The following SLITRK5 variants were observed in gnomAD, a reference collection of about 807,000 sequenced individuals.
The protein encoded by SLITRK5 is SLIT and NTRK like family member 5.
SLITRK5 carries 23 observed loss-of-function variants against 56.2 expected under a neutral mutation model. The observed-to-expected ratio is 0.41, with a 90% CI of 0.29 to 0.58. The LOEUF (loss-of-function observed/expected upper bound fraction) is 0.58. Ranked by LOEUF, SLITRK5 falls within the 20% of genes least tolerant of loss-of-function variation. The probability of loss-of-function intolerance (pLI) is 0.30; values close to 1 mark genes in which losing one functional copy is unlikely to be tolerated. For missense variants in SLITRK5, 1,289 were observed against 1,226.6 expected (o/e 1.05, Z -0.76); for synonymous variants, 637 against 531.8 (o/e 1.20, Z -2.72).
At chr13:87,674,353 G>A (rs1373025310) in intron 1 of SLITRK5, 19 of 981,800 alleles carry the variant, frequency 1.9e-5, no homozygotes, top group Non-Finnish European at 2.3e-5. Context: ...TGTCGAGGTG[G>A]TAGTTCCGTG....
chr13:87,672,836 C>T (rs1877093063), intron 1 of SLITRK5: 2 of 151,468 alleles, frequency 1.3e-5, no homozygotes, highest in African/African-American at 5.1e-5. Context: ...GTAAGTCTAT[C>T]GTTTACTTTG....
At chr13:87,675,261 T>A (rs1877221457) in intron 1 of SLITRK5, 120 bp from the exon 2 acceptor site, 5 of 659,190 alleles carry the variant, frequency 7.6e-6, no homozygotes, top group East Asian at 2.7e-5. Context: ...AGGTGTGTCA[T>A]TTGTATCTCT....
chr13:87,677,463 G>T lies in SLITRK5; in HGVS notation c.2075G>T (p.Arg692Met). The T allele has an allele frequency of 6.2e-7, 1 of 1,612,592 alleles. No homozygotes were observed. The stretch of plus-strand genomic sequence containing the variant: ...CTCTTCGTGCTGGTCATGAAGCGCA[G>T]GAAGAAGAACCAGAGCGACCACACC... The part of the protein sequence containing the change: ...AGLFVLVMKR[R>M]KKNQSDHTST... The change falls in exon 2 of 2, where the codon AGG becomes ATG. Residue 692 changes from arginine to methionine, a missense_variant. Transcript: ENST00000683689. This position sits in a 1 kb window ranked among gnomAD's most constrained non-coding sequence, Gnocchi z 4.7.
chr13:87,674,262 G>T, intron 1 of SLITRK5: 3 of 374,466 alleles, frequency 8.0e-6, no homozygotes, highest in Non-Finnish European at 1.1e-5. Context: ...CAGCCCAGGC[G>T]TCCTTTCCCT....
At position 87,675,701 on chromosome 13, in the gene SLITRK5, A is replaced by T. The variant is rs1276303932; in HGVS notation, c.313A>T (p.Thr105Ser). Residue 105 changes from threonine (T) to serine (S), a missense_variant, in exon 2 of 2, where the codon ACT becomes TCT. Around this residue, in one of 3 missense-constraint regions of SLITRK5, gnomAD observed 291 missense variants for 286.7 expected, o/e 1.02. Coordinates refer to ENST00000683689, the MANE Select transcript of SLITRK5 (RefSeq NM_001384609.1). ...RLYPNEFVNY[T>S]GASILHLGSN... ...CTATCCCAATGAGTTTGTCAATTAC[A>T]CTGGGGCTTCAATTTTGCATCTAGG... 6.2e-7 allele frequency: 1 copy of T among 1,614,048 alleles called. No homozygotes were observed. Among genetic ancestry groups the T allele is most frequent in the East Asian group, 2.2e-5 (1 of 44,884 alleles).
Position 87,675,739 on chromosome 13 carries a change from C to G in SLITRK5, c.351C>G (p.Ile117Met). 6.2e-7 allele frequency: 1 copy of G among 1,614,058 alleles called. No homozygotes were observed. Among genetic ancestry groups the G allele is most frequent in the Non-Finnish European group, 8.5e-7 (1 of 1,179,996 alleles). The change falls in exon 2 of 2, where the codon ATC becomes ATG. Residue 117 changes from isoleucine to methionine, a missense_variant. Ile to Met is a conservative substitution (Grantham distance 10). This residue lies in a region of SLITRK5 where 291 missense variants were observed against 286.7 expected (regional missense o/e 1.02). Transcript: ENST00000683689. ...ASILHLGSNVIQDIETGAFHG... is the reference protein window; with the variant it reads ...ASILHLGSNVMQDIETGAFHG... Reference sequence around the variant, plus strand: ...TTTTGCATCTAGGTAGCAATGTTATCCAGGACATTGAGACCGGGGCTTTCC... The same window carrying G: ...TTTTGCATCTAGGTAGCAATGTTATGCAGGACATTGAGACCGGGGCTTTCC...
chr13:87,678,302 A>G lies in SLITRK5; in HGVS notation c.*37A>G. On this transcript the variant is annotated 3_prime_UTR_variant, in exon 2 of 2. Coordinates refer to ENST00000683689, the MANE Select transcript of SLITRK5 (RefSeq NM_001384609.1). Reference sequence around the variant, plus strand: ...CTCTCTTGGAGCTTTTGCATTTAAAACAAACAAGCAAGCAGACACACACAG... The same window carrying G: ...CTCTCTTGGAGCTTTTGCATTTAAAGCAAACAAGCAAGCAGACACACACAG... 6.5e-7 allele frequency: 1 copy of G among 1,538,796 alleles called. No individual in the cohort carries two copies. The highest frequency in any genetic ancestry group is 8.8e-7 in the Non-Finnish European group (1 of 1,134,778).
At position 87,677,606 on chromosome 13, in the gene SLITRK5, A is replaced by G. The variant is rs976636467; in HGVS notation, c.2218A>G (p.Lys740Glu). The stretch of plus-strand genomic sequence containing the variant: ...GCATCACCGCGGGCCCGCGCTGCCC[A>G]AGGTGAAGACGCCCGCGGGCCACGT... ...HVHHRGPALP[K>E]VKTPAGHVYE... Residue 740 changes from lysine (K) to glutamate (E), a missense_variant, in exon 2 of 2, where the codon AAG becomes GAG. Physicochemically the swap from Lys to Glu is moderately conservative, Grantham distance 56 (BLOSUM62 1). Around this residue, in one of 3 missense-constraint regions of SLITRK5, gnomAD observed 985 missense variants for 906.0 expected, o/e 1.09. Coordinates refer to ENST00000683689, the MANE Select transcript of SLITRK5 (RefSeq NM_001384609.1). This position sits in a 1 kb window ranked among gnomAD's most constrained non-coding sequence, Gnocchi z 4.7. The G allele has an allele frequency of 6.2e-7, 1 of 1,609,810 alleles. No homozygotes were observed. The highest frequency in any genetic ancestry group is 8.5e-7 in the Non-Finnish European group (1 of 1,177,128).
rs150222919 is a variant in SLITRK5 at position 87,676,297 on chromosome 13, G to A, written c.909G>A (p.Thr303=). The A allele has an allele frequency of 2.0e-4, 324 of 1,613,880 alleles. No homozygotes were observed. Among genetic ancestry groups the A allele is most frequent in the Non-Finnish European group, 2.7e-4 (313 of 1,180,024 alleles). The change falls in exon 2 of 2, where the codon ACG becomes ACA. Residue 303 remains threonine (T), a synonymous_variant. Transcript: ENST00000683689. ...GGCCGCAGACGCCTTTGAGCACCAC[G>A]GGGTATTTACACACCACCCCGGCGT... is the stretch of plus-strand genomic sequence containing the variant. The part of the protein sequence containing the change: ...EMRPQTPLST[T]GYLHTTPASV...
At position 87,677,851 on chromosome 13, in the gene SLITRK5, G is replaced by C; in HGVS notation, c.2463G>C (p.Glu821Asp). ...PQLQLQPGEE[E>D]RRESHHLRSP... Reference sequence around the variant, plus strand: ...TGCAGCTGCAGCCCGGGGAGGAGGAGAGGCGGGAAAGCCACCACTTGCGGA... The same window carrying C: ...TGCAGCTGCAGCCCGGGGAGGAGGACAGGCGGGAAAGCCACCACTTGCGGA... Residue 821 changes from glutamate (E) to aspartate (D), a missense_variant, in exon 2 of 2, where the codon GAG becomes GAC. Around this residue, in one of 3 missense-constraint regions of SLITRK5, gnomAD observed 985 missense variants for 906.0 expected, o/e 1.09. Transcript: ENST00000683689. The surrounding 1 kb of genome is among the most constrained non-coding windows in gnomAD (Gnocchi z 4.7). 1 of 1,610,196 alleles carries C rather than the reference G, an allele frequency of 6.2e-7. No homozygotes were observed. The highest frequency in any genetic ancestry group is 8.5e-7 in the Non-Finnish European group (1 of 1,178,436).
Position 87,675,539 on chromosome 13 carries a change from G to T in SLITRK5, c.151G>T (p.Ala51Ser). ...TTATTATGGGGAAATCTGTGACAAT[G>T]CATGTCCTTGTGAGGAAAAGGACGG... is the stretch of plus-strand genomic sequence containing the variant. ...IDYYGEICDN[A>S]CPCEEKDGIL... Residue 51 changes from alanine to serine, a missense_variant, in exon 2 of 2, where the codon GCA becomes TCA. By Grantham distance (99) the Ala-to-Ser change is moderately conservative. Coordinates refer to ENST00000683689, the MANE Select transcript of SLITRK5 (RefSeq NM_001384609.1). 2.5e-6 allele frequency: 4 copies of T among 1,614,200 alleles called. No individual in the cohort carries two copies. The highest frequency in any genetic ancestry group is 3.4e-6 in the Non-Finnish European group (4 of 1,180,034).
At chr13:87,673,013 T>C (rs1338389378) in intron 1 of SLITRK5, among the ~76,000 whole-genome samples, 2 of 151,058 alleles carry the variant, frequency 1.3e-5, no homozygotes, top group Non-Finnish European at 3.0e-5. Flanking sequence ...CCTCGCGTCC[T>C]GGAACTCCGG....
Position 87,675,566 on chromosome 13 carries a change from A to G in SLITRK5, c.178A>G (p.Ile60Val), listed in dbSNP as rs1877236460. 1.2e-6 allele frequency: 2 copies of G among 1,614,174 alleles called. No individual in the cohort carries two copies. The highest frequency in any genetic ancestry group is 1.7e-6 in the Non-Finnish European group (2 of 1,180,038). ...ATGTCCTTGTGAGGAAAAGGACGGCATTTTAACTGTGAGCTGTGAAAACCG... is the reference window on the plus strand; with the variant it reads ...ATGTCCTTGTGAGGAAAAGGACGGCGTTTTAACTGTGAGCTGTGAAAACCG... Reference protein sequence around the residue: ...NACPCEEKDGILTVSCENRGI... With the variant: ...NACPCEEKDGVLTVSCENRGI... The change falls in exon 2 of 2, where the codon ATT becomes GTT. Residue 60 changes from isoleucine to valine, a missense_variant. Ile to Val is a conservative substitution (Grantham distance 29). This residue lies in a region of SLITRK5 where 291 missense variants were observed against 286.7 expected (regional missense o/e 1.02). Transcript: ENST00000683689.
At chr13:87,674,360 C>G in intron 1 of SLITRK5, 1 of 983,810 alleles carries the variant, frequency 1.0e-6, no homozygotes, top group Non-Finnish European at 1.2e-6. Context: ...GTGGTAGTTC[C>G]GTGCAAACCT....
At position 87,676,682 on chromosome 13, in the gene SLITRK5, G is replaced by A. The variant is rs1474753086; in HGVS notation, c.1294G>A (p.Ala432Thr). Reference sequence around the variant, plus strand: ...CGTGCGCAGGACAGACTTCCTGGAGGCCACGGGGCTGGACCTCCTGCACCT... The same window carrying A: ...CGTGCGCAGGACAGACTTCCTGGAGACCACGGGGCTGGACCTCCTGCACCT... ...AVVRRTDFLEATGLDLLHLGN... is the reference protein window; with the variant it reads ...AVVRRTDFLETTGLDLLHLGN... The change falls in exon 2 of 2, where the codon GCC (alanine) becomes ACC (threonine). Residue 432 changes from alanine to threonine, a missense_variant. Physicochemically the swap from Ala to Thr is moderately conservative, Grantham distance 58. This residue lies in a region of SLITRK5 where 985 missense variants were observed against 906.0 expected (regional missense o/e 1.09). Coordinates refer to ENST00000683689, the MANE Select transcript of SLITRK5 (RefSeq NM_001384609.1). 29 of 1,613,876 alleles carry A rather than the reference G, an allele frequency of 1.8e-5. No homozygotes were observed. The East Asian group carries it at 6.5e-4, about 36-fold the overall frequency.
chr13:87,677,538 A>ACGG lies in SLITRK5; in HGVS notation c.2164_2166dup (p.Gly722dup), dbSNP rs768483454. ...TCCTTTAACATGCAGTACAGCGTGT[A>ACGG]CGGCGGCGGCGGCGGCACGGGCGGC... On this transcript the variant is annotated inframe_insertion, in exon 2 of 2. Transcript: ENST00000683689. The surrounding 1 kb of genome is among the most constrained non-coding windows in gnomAD (Gnocchi z 4.7). The ACGG allele has an allele frequency of 5.0e-6, 8 of 1,608,288 alleles. No homozygotes were observed. Among genetic ancestry groups the ACGG allele is most frequent in the South Asian group, 2.2e-5 (2 of 90,982 alleles).
Position 87,674,946 on chromosome 13 carries a change from G to A in SLITRK5, c.-8-435G>A, listed in dbSNP as rs147328533. Reference sequence around the variant, plus strand: ...GTGAACTGTTAACTGAAGAGGCTCTGAAAGAAAGAAGGGGGGGTGGGGGCT... The same window carrying A: ...GTGAACTGTTAACTGAAGAGGCTCTAAAAGAAAGAAGGGGGGGTGGGGGCT... On this transcript the variant is annotated intron_variant, in intron 1 of 1. Coordinates refer to ENST00000683689, the MANE Select transcript of SLITRK5 (RefSeq NM_001384609.1). 1.9e-3 allele frequency among the ~76,000 whole-genome samples: 263 copies of A among 136,728 alleles called. 3 individuals are homozygous for A. Among genetic ancestry groups the A allele is most frequent in the African/African-American group, 6.4e-3 (242 of 37,880 alleles). The allele number at this position is 136,728 out of a possible 152,430, so 89.7% of individuals were successfully genotyped here. A position where few individuals can be genotyped will look rare whatever the true frequency, so the allele number is the denominator to read the frequency against.
At chr13:87,672,336 G>T (rs1456307465) in intron 1 of SLITRK5, among the ~76,000 whole-genome samples, 127 bp downstream of exon 1, 1 of 152,126 alleles carries the variant, frequency 6.6e-6, no homozygotes, top group Non-Finnish European at 1.5e-5. Flanking sequence ...GCTCGGCGGG[G>T]CTGACCGTCA....
chr13:87,677,922 T>C lies in SLITRK5; in HGVS notation c.2534T>C (p.Leu845Pro), dbSNP rs748205271. ...VSTIEPREDL[L>P]SPVQDADRFY... ...ACCATCGAGCCCCGGGAGGACCTGCTGTCGCCGGTGCAGGACGCCGACCGC... is the reference window on the plus strand; with the variant it reads ...ACCATCGAGCCCCGGGAGGACCTGCCGTCGCCGGTGCAGGACGCCGACCGC... Residue 845 changes from leucine (L) to proline (P), a missense_variant, in exon 2 of 2, where the codon CTG becomes CCG. By Grantham distance (98) the Leu-to-Pro change is moderately conservative. Coordinates refer to ENST00000683689, the MANE Select transcript of SLITRK5 (RefSeq NM_001384609.1). The surrounding 1 kb of genome is among the most constrained non-coding windows in gnomAD (Gnocchi z 4.7). 1.4e-5 allele frequency: 23 copies of C among 1,613,804 alleles called. No homozygotes were observed. In the South Asian group the frequency reaches 2.5e-4, roughly 18 times the overall value.
Sources: gnomAD v4.1 joint callset for allele counts (sites outside exome capture counted in the v4.1 genomes callset) on GRCh38, gnomAD v4.1.1 for gene constraint, gnomAD v4.1.1 regional missense constraint, Gnocchi (gnomAD v3.1) non-coding constraint, MANE v1.5 for transcripts, NCBI Gene and HGNC (gene_info 2026-07-23, HGNC 2026-07-21) for gene names.